The following GRIN2B variants were observed in gnomAD, a reference collection of about 807,000 sequenced individuals.
GRIN2B encodes glutamate ionotropic receptor NMDA type subunit 2B, also known as glutamate receptor ionotropic, NMDA 2B.
In GRIN2B, 5 loss-of-function variants were observed where a neutral mutation model predicts 114.5. The ratio of observed to expected loss-of-function variants is 0.04; its 90% CI spans 0.02 to 0.09. GRIN2B has a LOEUF of 0.09. Among genes scored for constraint, GRIN2B ranks in the 10% least tolerant of loss-of-function variants. The pLI is 1.00. For missense variants in GRIN2B, 1,108 were observed against 1,943.5 expected (o/e 0.57, Z 8.08); for synonymous variants, 787 against 745.1 (o/e 1.06, Z -0.92).
intron 4 of GRIN2B, among the ~76,000 whole-genome samples, chr12:13,716,538 A>G (rs1324718259): frequency 6.6e-6 from 1 of 151,914 alleles, no homozygotes; most frequent in Non-Finnish European, 1.5e-5. Flanking sequence ...TCATTGTCAC[A>G]GTGGATGATG....
intron 3 of GRIN2B, among the ~76,000 whole-genome samples, chr12:13,785,756 C>G (rs959362790): frequency 6.6e-6 from 1 of 152,118 alleles, no homozygotes; most frequent in African/African-American, 2.4e-5. Flanking sequence ...TGTGATGTAA[C>G]AAATATAGCA....
intron 2 of GRIN2B, among the ~76,000 whole-genome samples, chr12:13,915,412 C>G (rs1343641816): frequency 3.3e-5 from 5 of 152,158 alleles, no homozygotes; most frequent in Non-Finnish European, 7.3e-5. Flanking sequence ...CAGGCCAAAA[C>G]CATTTGCTGA....
At chr12:13,665,824 C>T (rs1039136963) in intron 5 of GRIN2B, among the ~76,000 whole-genome samples, 1 of 152,112 alleles carries the variant, frequency 6.6e-6, no homozygotes, top group African/African-American at 2.4e-5. Flanking sequence ...ATTTATATGT[C>T]TTTCCCAGAT....
chr12:13,876,271 T>G (rs1359653593), intron 2 of GRIN2B, among the ~76,000 whole-genome samples: 3 of 152,198 alleles, frequency 2.0e-5, no homozygotes, highest in African/African-American at 7.2e-5. Context: ...AAAATGGGAA[T>G]TATTATCCTC....
intron 4 of GRIN2B, among the ~76,000 whole-genome samples, chr12:13,700,354 C>T (rs976205193): frequency 6.6e-6 from 1 of 152,064 alleles, no homozygotes; most frequent in Non-Finnish European, 1.5e-5. Context: ...ATTGACAAAT[C>T]TTTTTAATAG....
Position 13,563,956 on chromosome 12 carries a change from G to A in GRIN2B, c.3282C>T (p.Ala1094=). Residue 1094 remains alanine, a synonymous_variant, in exon 14 of 14, where the codon GCC becomes GCT. Coordinates refer to ENST00000609686, the MANE Select transcript of GRIN2B (RefSeq NM_000834.5). ...CAAACTCCCTGCGGGACTTGGCCGA[G>A]GCAGGCCGCTTCTTCAGGCTGTCCT... The part of the protein sequence containing the change: ...QYKDSLKKRP[A]SAKSRREFDE... 1 of 1,614,224 alleles carries A rather than the reference G, an allele frequency of 6.2e-7. No homozygotes were observed. The highest frequency in any genetic ancestry group is 1.1e-5 in the South Asian group (1 of 91,084).
intron 4 of GRIN2B, among the ~76,000 whole-genome samples, chr12:13,746,069 G>C (rs1180036034): frequency 1.4e-5 from 2 of 147,684 alleles, no homozygotes; most frequent in African/African-American, 4.9e-5. Flanking sequence ...TATCAGATAT[G>C]TGCTATGTCA....
chr12:13,877,925 G>A (rs556747120), intron 2 of GRIN2B, among the ~76,000 whole-genome samples: 19 of 151,882 alleles, frequency 1.3e-4, no homozygotes, highest in Admixed American at 7.9e-4. Context: ...TTAGCTGGGG[G>A]TAGTGGCACA....
intron 3 of GRIN2B, among the ~76,000 whole-genome samples, chr12:13,807,268 C>T (rs1864618961): frequency 6.6e-6 from 1 of 152,136 alleles, no homozygotes; most frequent in Admixed American, 6.6e-5. Context: ...TAAGTGACAA[C>T]CGTGCTGTGA....
At chr12:13,611,017 G>T (rs537227540) in intron 9 of GRIN2B, among the ~76,000 whole-genome samples, 1 of 152,270 alleles carries the variant, frequency 6.6e-6, no homozygotes, top group Non-Finnish European at 1.5e-5. Flanking sequence ...AAGTTTTAGA[G>T]GAGTTATTTA....
intron 3 of GRIN2B, among the ~76,000 whole-genome samples, chr12:13,831,876 C>G (rs1865154393): frequency 6.6e-6 from 1 of 152,130 alleles, no homozygotes; most frequent in Non-Finnish European, 1.5e-5. Context: ...ATAAGCAGTA[C>G]CCTGTGTTTC....
chr12:13,563,622 A>G lies in GRIN2B; in HGVS notation c.3616T>C (p.Trp1206Arg), dbSNP rs1180941039. 1.2e-6 allele frequency: 2 copies of G among 1,613,392 alleles called. No homozygotes were observed. Among genetic ancestry groups the G allele is most frequent in the Non-Finnish European group, 1.7e-6 (2 of 1,179,882 alleles). The change falls in exon 14 of 14, where the codon TGG becomes CGG. Residue 1206 changes from tryptophan to arginine, a missense_variant. By Grantham distance (101) the Trp-to-Arg change is moderately radical. Coordinates refer to ENST00000609686, the MANE Select transcript of GRIN2B (RefSeq NM_000834.5). ...PWEKNLTNVE[W>R]EDRSGGNFCR... The stretch of plus-strand genomic sequence containing the variant: ...AAGTTGCCCCCGGACCGGTCCTCCC[A>G]CTCCACGTTGGTCAGGTTCTTCTCC...
chr12:13,679,511 CCTAAGCACTCCTCA>C (rs1950108816), intron 4 of GRIN2B, among the ~76,000 whole-genome samples: 1 of 152,134 alleles, frequency 6.6e-6, no homozygotes, highest in Non-Finnish European at 1.5e-5. Context: ...ATTTTATCTA[CCTAAGCACTCCTCA>C]CATATTTTAC....
At chr12:13,918,337 T>C (rs1055326857) in intron 2 of GRIN2B, among the ~76,000 whole-genome samples, 3 of 152,146 alleles carry the variant, frequency 2.0e-5, no homozygotes, top group African/African-American at 4.8e-5. Context: ...CCCAGGAATT[T>C]GAGGCTGTAG....
intron 2 of GRIN2B, among the ~76,000 whole-genome samples, chr12:13,935,450 G>C (rs1867109098): frequency 6.6e-6 from 1 of 152,160 alleles, no homozygotes; most frequent in South Asian, 2.1e-4. Context: ...TACACTGAAT[G>C]ATCCTCCCAG....
chr12:13,733,686 A>T (rs746873710), intron 4 of GRIN2B, among the ~76,000 whole-genome samples: 2 of 152,130 alleles, frequency 1.3e-5, no homozygotes, highest in Non-Finnish European at 2.9e-5. Context: ...GCTGTATAAT[A>T]TTGTGGTATA....
At chr12:13,783,540 A>T (rs1360366897) in intron 3 of GRIN2B, among the ~76,000 whole-genome samples, 1 of 152,106 alleles carries the variant, frequency 6.6e-6, no homozygotes, top group East Asian at 1.9e-4. Context: ...TAACAGAGAC[A>T]TATTTCAAAA....
chr12:13,822,853 G>A (rs1048257100), intron 3 of GRIN2B, among the ~76,000 whole-genome samples: 1 of 152,056 alleles, frequency 6.6e-6, no homozygotes, highest in African/African-American at 2.4e-5. Flanking sequence ...CCCAATCCTA[G>A]TTGTAATTCC....
intron 2 of GRIN2B, among the ~76,000 whole-genome samples, chr12:13,974,935 A>G (rs1219565199): frequency 6.6e-6 from 1 of 152,224 alleles, no homozygotes; most frequent in Non-Finnish European, 1.5e-5. Flanking sequence ...AGGAGGACAT[A>G]AGAAGAAAAA....
Sources: allele counts gnomAD v4.1 joint callset (sites outside exome capture counted in the v4.1 genomes callset), GRCh38; gene constraint gnomAD v4.1.1; transcripts MANE v1.5; gene names NCBI Gene and HGNC (gene_info 2026-07-23, HGNC 2026-07-21).